The following DOCK10 variants were observed in gnomAD, a reference collection of about 807,000 sequenced individuals.
The protein encoded by DOCK10 is dedicator of cytokinesis 10.
A neutral mutation model predicts 280.1 loss-of-function variants in DOCK10; 145 were observed. That is an observed-to-expected ratio of 0.52 (90% CI 0.45 to 0.59). DOCK10 has a LOEUF of 0.59. Ranked by LOEUF, DOCK10 falls within the 20% of genes least tolerant of loss-of-function variation. The pLI is 0.00. For synonymous variants in DOCK10, 915 were observed against 942.2 expected (o/e 0.97, Z 0.53); for missense variants, 2,368 against 2,651.7 (o/e 0.89, Z 2.35).
chr2:224,955,865 A>T (rs1048665608), intron 1 of DOCK10, among the ~76,000 whole-genome samples: 5 of 152,236 alleles, frequency 3.3e-5, no homozygotes, highest in African/African-American at 9.6e-5. Flanking sequence ...TAGCAGAGAA[A>T]CAAGAATTGG....
rs1292824517 is a variant in DOCK10, at chr2:224,853,006, T to C, written c.2005A>G (p.Arg669Gly). The C allele has an allele frequency of 5.0e-6, 8 of 1,613,034 alleles. No homozygotes were observed. The highest frequency in any genetic ancestry group is 6.8e-6 in the Non-Finnish European group (8 of 1,179,246). Reference protein sequence around the residue: ...YDSTKYCRPYRVYKNQIYIYP... With the variant: ...YDSTKYCRPYGVYKNQIYIYP... The stretch of plus-strand genomic sequence containing the variant: ...ATATAAATTTGATTTTTATATACTC[T>C]GTAAGGCCGACAATACTTTGTTGAA... The change falls in exon 17 of 56, where the codon AGA (arginine) becomes GGA (glycine). Residue 669 changes from arginine (R) to glycine (G), a missense_variant. Physicochemically the swap from Arg to Gly is moderately radical, Grantham distance 125 (BLOSUM62 -2). This residue lies in a region of DOCK10 where 1,209 missense variants were observed against 1,250.9 expected (regional missense o/e 0.97). Transcript: ENST00000258390.
intron 50 of DOCK10, 36 bp from the exon 51 acceptor site, chr2:224,778,320 A>C (rs555651778): frequency 3.2e-6 from 5 of 1,563,106 alleles, no homozygotes; most frequent in Non-Finnish European, 4.4e-6. Flanking sequence ...TTTATTAGAC[A>C]ATGCTAATCA....
chr2:224,969,996 T>A (rs1041492272), intron 1 of DOCK10, among the ~76,000 whole-genome samples: 3 of 152,234 alleles, frequency 2.0e-5, no homozygotes, highest in African/African-American at 7.2e-5. Context: ...TTTCCCCCAG[T>A]GGCTTTCATT....
At chr2:224,773,061 A>G (rs778305627) in intron 53 of DOCK10, 96 bp downstream of exon 53, 44 of 1,152,596 alleles carry the variant, frequency 3.8e-5, no homozygotes, top group Non-Finnish European at 5.2e-5. Context: ...AAAAGGGAAA[A>G]TGTTTCTTAT....
chr2:224,824,052 G>C (rs965536359), intron 27 of DOCK10, among the ~76,000 whole-genome samples: 3 of 152,046 alleles, frequency 2.0e-5, no homozygotes, highest in African/African-American at 7.2e-5. Context: ...TGGACATGTA[G>C]TTCTCTATTT....
intron 1 of DOCK10, among the ~76,000 whole-genome samples, chr2:224,965,003 A>G (rs933754346): frequency 1.3e-5 from 2 of 152,244 alleles, no homozygotes; most frequent in Admixed American, 1.3e-4. Flanking sequence ...GTTTATGTCA[A>G]TACCACTATA....
At chr2:225,014,117 A>G (rs1189856027) in intron 1 of DOCK10, among the ~76,000 whole-genome samples, 2 of 138,536 alleles carry the variant, frequency 1.4e-5, no homozygotes, top group African/African-American at 5.5e-5. Flanking sequence ...TTTAAGAAAT[A>G]CAGGTTAAAA....
rs571255511 is a variant in DOCK10, at chr2:225,038,216, G to T, written c.123+4036C>A. Among the ~76,000 whole-genome samples, 31 of 151,804 alleles carry T rather than the reference G, an allele frequency of 2.0e-4. 1 individual carries two copies. In the South Asian group the frequency reaches 6.2e-3, roughly 31 times the overall value. On this transcript the variant is annotated intron_variant, in intron 1 of 55. Transcript: ENST00000258390. ...CAAAACAAGTGCTTCACTTTCATTT[G>T]CTATCACTTTCTGCATCTAGCATAT...
chr2:224,993,339 T>C (rs1467124025), intron 1 of DOCK10, among the ~76,000 whole-genome samples: 1 of 152,190 alleles, frequency 6.6e-6, no homozygotes, highest in Non-Finnish European at 1.5e-5. Context: ...TATCAGATTC[T>C]TATAGGATAA....
At chr2:224,809,020 T>C (rs1693593409) in intron 31 of DOCK10, among the ~76,000 whole-genome samples, 1 of 152,050 alleles carries the variant, frequency 6.6e-6, no homozygotes, top group South Asian at 2.1e-4. Flanking sequence ...CTGCCAAATT[T>C]TGAGCCTGAA....
intron 2 of DOCK10, among the ~76,000 whole-genome samples, chr2:224,928,910 A>T (rs1457093505): frequency 6.6e-6 from 1 of 152,184 alleles, no homozygotes; most frequent in Non-Finnish European, 1.5e-5. Flanking sequence ...CCTTGCCTAT[A>T]GTTAGAATAA....
chr2:224,925,678 G>T (rs1342859646), intron 2 of DOCK10, among the ~76,000 whole-genome samples: 1 of 152,210 alleles, frequency 6.6e-6, no homozygotes, highest in Non-Finnish European at 1.5e-5. Flanking sequence ...TTGAAGTATA[G>T]TTGATAGGTG....
intron 18 of DOCK10, among the ~76,000 whole-genome samples, chr2:224,851,493 C>T (rs1258591202): frequency 6.7e-6 from 1 of 148,280 alleles, no homozygotes; most frequent in Non-Finnish European, 1.5e-5. Context: ...TTATATTTAC[C>T]TGAATTAATT....
At chr2:225,033,406 C>A (rs1426484902) in intron 1 of DOCK10, among the ~76,000 whole-genome samples, 1 of 152,148 alleles carries the variant, frequency 6.6e-6, no homozygotes, top group African/African-American at 2.4e-5. Flanking sequence ...TGGTCTCGAA[C>A]TCCTGACCTC....
At chr2:224,811,142 A>T (rs976365560) in intron 31 of DOCK10, among the ~76,000 whole-genome samples, 3 of 152,042 alleles carry the variant, frequency 2.0e-5, no homozygotes, top group African/African-American at 7.2e-5. Context: ...CCTCTCCAGC[A>T]CCTGTTGTTT....
At chr2:224,825,848 G>A (rs1694809509) in intron 27 of DOCK10, among the ~76,000 whole-genome samples, 1 of 152,176 alleles carries the variant, frequency 6.6e-6, no homozygotes, top group East Asian at 1.9e-4. Flanking sequence ...CACTTCCCAA[G>A]CTGCAGAGCT....
intron 3 of DOCK10, among the ~76,000 whole-genome samples, chr2:224,915,809 G>A (rs1264066636): frequency 6.6e-6 from 1 of 152,170 alleles, no homozygotes; most frequent in African/African-American, 2.4e-5. Context: ...CTATGCACTG[G>A]CTCAATTCCT....
At chr2:224,956,625 G>GAAA (rs3083983) in intron 1 of DOCK10, among the ~76,000 whole-genome samples, 76 of 78,602 alleles carry the variant, frequency 9.7e-4, no homozygotes, top group Non-Finnish European at 1.3e-3. Context: ...CGCTACCTCA[G>GAAA]AAAAAAAAAA....
chr2:224,891,099 A>G (rs766259090), intron 4 of DOCK10, among the ~76,000 whole-genome samples: 8 of 152,104 alleles, frequency 5.3e-5, no homozygotes, highest in African/African-American at 1.9e-4. Context: ...GGATGGATGG[A>G]TGGGTGGATG....
Sources: gnomAD v4.1 joint callset for allele counts (sites outside exome capture counted in the v4.1 genomes callset) on GRCh38, gnomAD v4.1.1 for gene constraint, gnomAD v4.1.1 regional missense constraint, MANE v1.5 for transcripts, NCBI Gene and HGNC (gene_info 2026-07-23, HGNC 2026-07-21) for gene names.